Variants in DIXDC1 observed in about 807,000 individuals in gnomAD.
DIXDC1 encodes the protein dixin.
In DIXDC1, 64 loss-of-function variants were observed where a neutral mutation model predicts 103.1. The ratio of observed to expected loss-of-function variants is 0.62; its 90% CI spans 0.51 to 0.76. The LOEUF is 0.76. Ranked by LOEUF, DIXDC1 falls within the 30% of genes least tolerant of loss-of-function variation. The probability of loss-of-function intolerance (pLI) is 0.00; values close to 1 mark genes in which losing one functional copy is unlikely to be tolerated. For missense variants in DIXDC1, 759 were observed against 834.2 expected (o/e 0.91, Z 1.11); for synonymous variants, 266 against 298.5 (o/e 0.89, Z 1.12).
At chr11:111,941,881 GAGTTTT>G (rs1309152669) in intron 1 of DIXDC1, among the ~76,000 whole-genome samples, 1 of 142,176 alleles carries the variant, frequency 7.0e-6, no homozygotes, top group Non-Finnish European at 1.5e-5. Context: ...CACCCACGAA[GAGTTTT>G]AGTCTGGTCT....
intron 1 of DIXDC1, among the ~76,000 whole-genome samples, chr11:111,944,787 T>A (rs1243845164): frequency 6.6e-6 from 1 of 152,206 alleles, no homozygotes. Flanking sequence ...TTAACTCTTG[T>A]TATGTCTACT....
At chr11:112,013,690 A>G (rs971740157) in intron 17 of DIXDC1, among the ~76,000 whole-genome samples, 1 of 152,124 alleles carries the variant, frequency 6.6e-6, no homozygotes, top group East Asian at 1.9e-4. Flanking sequence ...AGGTCTTTCA[A>G]ATTCATCCCT....
chr11:111,957,276 C>T (rs1306010493), intron 1 of DIXDC1, among the ~76,000 whole-genome samples: 8 of 152,094 alleles, frequency 5.3e-5, no homozygotes, highest in African/African-American at 1.7e-4. Flanking sequence ...AGAAAATCAT[C>T]ATTTGGGAAC....
intron 2 of DIXDC1, among the ~76,000 whole-genome samples, chr11:111,931,115 A>G (rs1966001242): frequency 6.6e-6 from 1 of 151,686 alleles, no homozygotes. Context: ...CGGCCTCCCA[A>G]AGTGCTGGGA....
chr11:111,956,592 C>T (rs587721394), intron 1 of DIXDC1, among the ~76,000 whole-genome samples: 26 of 152,194 alleles, frequency 1.7e-4, no homozygotes, highest in Non-Finnish European at 3.1e-4. Context: ...CAGGTTCAAG[C>T]GATTCTCCTG....
At chr11:111,995,223 C>T (rs1860855047) in intron 15 of DIXDC1, 115 bp downstream of exon 15, 27 of 1,332,828 alleles carry the variant, frequency 2.0e-5, no homozygotes, top group Non-Finnish European at 2.6e-5. Flanking sequence ...ATTCCTGGAT[C>T]TGTGGAGTGT....
rs1380884138 is a variant in DIXDC1, at chr11:112,020,665, T to C, written c.*1629T>C. 6 of 152,330 alleles carry C rather than the reference T, an allele frequency of 3.9e-5. No individual in the cohort carries two copies. Among genetic ancestry groups the C allele is most frequent in the Admixed American group, 3.9e-4 (6 of 15,296 alleles). 9.4% of individuals were successfully genotyped at this position (152,330 alleles called of 1,614,324 possible). A position where few individuals can be genotyped will look rare whatever the true frequency, so the allele number is the denominator to read the frequency against. On this transcript the variant is annotated 3_prime_UTR_variant, in exon 20 of 20. Coordinates refer to ENST00000440460, the MANE Select transcript of DIXDC1 (RefSeq NM_001037954.4). ...AACAAGCTTTATTTTATTACGAGTA[T>C]ATTAATGACAACTAATTCCTGTTCC...
intron 17 of DIXDC1, among the ~76,000 whole-genome samples, chr11:112,015,799 C>CTT (rs782121271): frequency 0.027 from 1,287 of 46,958 alleles, 135 homozygotes; most frequent in African/African-American, 0.058. Flanking sequence ...GAGACCCTGT[C>CTT]TTTTTTTTTT....
intron 10 of DIXDC1, among the ~76,000 whole-genome samples, chr11:111,992,030 T>G (rs1860726697): frequency 6.6e-6 from 1 of 152,204 alleles, no homozygotes; most frequent in African/African-American, 2.4e-5. Context: ...TAGAGTGCAT[T>G]GTCCAAGGCT....
rs1860140298 is a variant in DIXDC1 at position 111,977,360 on chromosome 11, C to T, written c.656+2377C>T. 9.4e-7 allele frequency: 1 copy of T among 1,068,436 alleles called. No homozygotes were observed. The highest frequency in any genetic ancestry group is 1.1e-6 in the Non-Finnish European group (1 of 882,438). The allele number at this position is 1,068,436 out of a possible 1,614,324, so 66.2% of individuals were successfully genotyped here. ...CGCCGCTGGGGACTCGAGGCGCAGC[C>T]TGCGCCGCCGGGAGCCTCCCTCCCA... is the stretch of plus-strand genomic sequence containing the variant. On this transcript the variant is annotated intron_variant, in intron 5 of 19. Transcript: ENST00000440460. This position sits in a 1 kb window ranked among gnomAD's most constrained non-coding sequence, Gnocchi z 6.1.
In DIXDC1 at chr11:111,982,124, G is replaced by A. The variant is rs1484953855; in HGVS notation, c.770-215G>A. 2.5e-5 allele frequency: 11 copies of A among 442,584 alleles called. 1 individual carries two copies. The highest frequency in any genetic ancestry group is 3.6e-5 in the Non-Finnish European group (9 of 249,410). 27.4% of individuals were successfully genotyped at this position (442,584 alleles called of 1,614,324 possible). ...AATACTTCCTAAGAGTTTTAAAAGA[G>A]GATAGATTGTTCTAGCACCAAGTGA... On this transcript the variant is annotated intron_variant, in intron 6 of 19. Transcript: ENST00000440460.
At chr11:111,963,733 G>A (rs1555171243) in intron 1 of DIXDC1, among the ~76,000 whole-genome samples, 1 of 152,160 alleles carries the variant, frequency 6.6e-6, no homozygotes, top group Admixed American at 6.5e-5. Context: ...TGGACAAAAT[G>A]TAATATGTAA....
chr11:111,966,289 C>T (rs1167406146), intron 2 of DIXDC1, among the ~76,000 whole-genome samples: 1 of 120,480 alleles, frequency 8.3e-6, no homozygotes, highest in Non-Finnish European at 1.6e-5. Context: ...ATGGCATAAT[C>T]TCGGCTCACT....
chr11:111,973,255 T>C (rs1366013220), intron 3 of DIXDC1, among the ~76,000 whole-genome samples: 25 of 137,804 alleles, frequency 1.8e-4, no homozygotes, highest in South Asian at 4.7e-4. Context: ...ACCTGTAATC[T>C]CAGCTACTCA....
At chr11:111,929,604 A>AC (rs1357775244) in intron 1 of DIXDC1, among the ~76,000 whole-genome samples, 2 of 151,506 alleles carry the variant, frequency 1.3e-5, no homozygotes, top group Non-Finnish European at 2.9e-5. Flanking sequence ...AAAAAAAAAA[A>AC]AGTAAATTTT....
rs1859476407 is a variant in DIXDC1 at position 111,958,807 on chromosome 11, G to A, written c.61-5742G>A. Among the ~76,000 whole-genome samples, 1 of 152,188 alleles carries A rather than the reference G, an allele frequency of 6.6e-6. No homozygotes were observed. The highest frequency in any genetic ancestry group is 2.4e-5 in the African/African-American group (1 of 41,450). ...AATCAGTACACACTTCCTCCCCTTTGAAGCCCATCAAAACCCCAGACTCAA... is the reference window on the plus strand; with the variant it reads ...AATCAGTACACACTTCCTCCCCTTTAAAGCCCATCAAAACCCCAGACTCAA... On this transcript the variant is annotated intron_variant, in intron 1 of 19. Transcript: ENST00000440460. This position sits in a 1 kb window ranked among gnomAD's most constrained non-coding sequence, Gnocchi z 4.2.
rs782557957 is a variant in DIXDC1 at position 111,968,613 on chromosome 11, T to G, written c.291T>G (p.Ile97Met). The G allele has an allele frequency of 2.5e-6, 4 of 1,611,088 alleles. No individual in the cohort carries two copies. In the South Asian group the frequency reaches 3.3e-5, roughly 13 times the overall value. Residue 97 changes from isoleucine (I) to methionine (M), a missense_variant, in exon 3 of 20, where the codon ATT becomes ATG. Ile to Met is a conservative substitution (Grantham distance 10). Around this residue, in one of 3 missense-constraint regions of DIXDC1, gnomAD observed 657 missense variants for 727.5 expected, o/e 0.90. Transcript: ENST00000440460. The stretch of plus-strand genomic sequence containing the variant: ...TACAGTTTGTGGCCTCTAAAAAGAT[T>G]CGTATGCACCAGACTTCGGCTAAAG... ...KVLQFVASKK[I>M]RMHQTSAKDI...
rs1555175639 is a variant in DIXDC1, at chr11:111,998,614, A to C, written c.1756+2468A>C. 6.6e-6 allele frequency among the ~76,000 whole-genome samples: 1 copy of C among 151,734 alleles called. No homozygotes were observed. Among genetic ancestry groups the C allele is most frequent in the African/African-American group, 2.4e-5 (1 of 41,268 alleles). On this transcript the variant is annotated intron_variant, in intron 17 of 19. Transcript: ENST00000440460. This position sits in a 1 kb window ranked among gnomAD's most constrained non-coding sequence, Gnocchi z 4.1. ...GCTGGAGTGCAATGGCGTGATCTCG[A>C]CTCACTGCAAGCTCTGCCTCCAGGG...
At chr11:111,937,126 C>A, upstream of DIXDC1, 1 of 573,314 alleles carries the variant, frequency 1.7e-6, no homozygotes, top group Non-Finnish European at 2.0e-6. Flanking sequence ...GTGCTGCGGC[C>A]CGGGCGGGGG....
Sources: allele counts gnomAD v4.1 joint callset (sites outside exome capture counted in the v4.1 genomes callset), GRCh38; gene constraint gnomAD v4.1.1; regional missense constraint gnomAD v4.1.1; non-coding constraint Gnocchi (gnomAD v3.1); transcripts MANE v1.5; gene names NCBI Gene and HGNC (gene_info 2026-07-23, HGNC 2026-07-21).